Variants in ZNRF3 observed in about 807,000 individuals in gnomAD.
ZNRF3 encodes E3 ubiquitin-protein ligase ZNRF3.
ZNRF3 carries 23 observed loss-of-function variants against 72.5 expected under a neutral mutation model. That is an observed-to-expected ratio of 0.32 (90% CI 0.23 to 0.45). ZNRF3 has a LOEUF of 0.45. ZNRF3 is among the 20% of genes least tolerant of loss of function. ZNRF3 has a pLI of 1.00. For synonymous variants in ZNRF3, 610 were observed against 545.3 expected, an observed-to-expected ratio of 1.12 and a Z score of -1.65; for missense variants, 1,169 against 1,272.1, an observed-to-expected ratio of 0.92 and a Z score of 1.23.
intron 1 of ZNRF3, among the ~76,000 whole-genome samples, chr22:28,914,312 C>T (rs1249408122): frequency 2.6e-5 from 4 of 152,090 alleles, no homozygotes; most frequent in African/African-American, 9.7e-5. Flanking sequence ...CCGGGTTAGT[C>T]TACCTTGGTT....
chr22:28,994,015 C>T (rs1055626331), intron 2 of ZNRF3, among the ~76,000 whole-genome samples: 9 of 151,734 alleles, frequency 5.9e-5, no homozygotes, highest in African/African-American at 1.9e-4. Flanking sequence ...TCACTTAACG[C>T]GTCTGTGTGT....
At chr22:29,012,942 G>T (rs1324565781) in intron 2 of ZNRF3, among the ~76,000 whole-genome samples, 1 of 152,202 alleles carries the variant, frequency 6.6e-6, no homozygotes, top group African/African-American at 2.4e-5. Flanking sequence ...TCCGTCCCAG[G>T]TTAGCTCCAG....
intron 2 of ZNRF3, among the ~76,000 whole-genome samples, chr22:29,038,618 A>T (rs1230176326): frequency 1.3e-5 from 2 of 152,126 alleles, no homozygotes; most frequent in Non-Finnish European, 2.9e-5. Context: ...GGCATGAGCC[A>T]CTGCACCTGG....
chr22:29,050,070 C>A lies in ZNRF3; in HGVS notation c.1889C>A (p.Pro630His). The stretch of plus-strand genomic sequence containing the variant: ...CTGTGCTTCGAGGGCTCCCCGCCTC[C>A]CGAGGAGCTCCCGGCGGTGCACAGT... ...PALCFEGSPPPEELPAVHSHG... is the reference protein window; with the variant it reads ...PALCFEGSPPHEELPAVHSHG... Residue 630 changes from proline (P) to histidine (H), a missense_variant, in exon 8 of 9, where the codon CCC becomes CAC. By Grantham distance (77) the Pro-to-His change is moderately conservative. Coordinates refer to ENST00000544604, the MANE Select transcript of ZNRF3 (RefSeq NM_001206998.2). 6.2e-7 allele frequency: 1 copy of A among 1,607,532 alleles called. No individual in the cohort carries two copies. The highest frequency in any genetic ancestry group is 8.5e-7 in the Non-Finnish European group (1 of 1,177,614).
At chr22:28,939,410 A>G (rs1478885896) in intron 1 of ZNRF3, among the ~76,000 whole-genome samples, 1 of 152,210 alleles carries the variant, frequency 6.6e-6, no homozygotes, top group Non-Finnish European at 1.5e-5. Context: ...TGTGTTTAGT[A>G]TATTTAGCAT....
At chr22:28,985,709 C>G (rs139390624) in intron 1 of ZNRF3, among the ~76,000 whole-genome samples, 1 of 152,152 alleles carries the variant, frequency 6.6e-6, no homozygotes, top group Non-Finnish European at 1.5e-5. Context: ...CTTGGAAAAG[C>G]CACTTATCTT....
chr22:29,014,641 G>A (rs1353409383), intron 2 of ZNRF3, among the ~76,000 whole-genome samples: 1 of 152,206 alleles, frequency 6.6e-6, no homozygotes, highest in African/African-American at 2.4e-5. Context: ...TCATTCATAT[G>A]TTTATTAAGC....
chr22:28,889,047 G>A (rs1178753248), intron 1 of ZNRF3, among the ~76,000 whole-genome samples: 1 of 151,946 alleles, frequency 6.6e-6, no homozygotes, highest in African/African-American at 2.4e-5. Context: ...TCCGGGAGGC[G>A]GAGGTTGCAG....
intron 1 of ZNRF3, among the ~76,000 whole-genome samples, chr22:28,937,347 G>C (rs928113931): frequency 5.0e-4 from 75 of 151,330 alleles, no homozygotes; most frequent in African/African-American, 1.7e-3. Context: ...GCTGCGGCTG[G>C]GGACTGGACA....
chr22:28,950,957 T>C (rs1255877323), intron 1 of ZNRF3, among the ~76,000 whole-genome samples: 1 of 152,248 alleles, frequency 6.6e-6, no homozygotes, highest in Non-Finnish European at 1.5e-5. Context: ...GCCAAAACAG[T>C]CTATGAATGT....
rs1569284112 is a variant in ZNRF3 at position 29,020,761 on chromosome 22, T to TGTG, written c.427-21734_427-21733insGTG. Among the ~76,000 whole-genome samples the TGTG allele has an allele frequency of 3.7e-3, 161 of 42,966 alleles. 2 individuals are homozygous for TGTG. The highest frequency in any genetic ancestry group is 0.013 in the Middle Eastern group (1 of 78). The allele number at this position is 42,966 out of a possible 152,430, so 28.2% of individuals were successfully genotyped here. ...CAGATTTCATTGAGAGGGGCTTTGT[T>TGTG]TTTGTGTGTGTGTGGGTGTGTGTGT... On this transcript the variant is annotated intron_variant, in intron 2 of 8. Coordinates refer to ENST00000544604, the MANE Select transcript of ZNRF3 (RefSeq NM_001206998.2).
At chr22:28,940,269 T>C (rs2034917030) in intron 1 of ZNRF3, among the ~76,000 whole-genome samples, 1 of 152,236 alleles carries the variant, frequency 6.6e-6, no homozygotes, top group Admixed American at 6.5e-5. Context: ...GAAAGGCTAG[T>C]TTCTTAATAA....
intron 1 of ZNRF3, among the ~76,000 whole-genome samples, chr22:28,954,330 G>A (rs1027645384): frequency 6.6e-6 from 1 of 152,102 alleles, no homozygotes; most frequent in African/African-American, 2.4e-5. Flanking sequence ...CTCCTGTGGC[G>A]AAGAAAGTGT....
intron 2 of ZNRF3, among the ~76,000 whole-genome samples, chr22:29,035,524 G>A (rs945545773): frequency 8.5e-5 from 13 of 152,158 alleles, no homozygotes; most frequent in African/African-American, 2.9e-4. Flanking sequence ...GAGTTAAGGG[G>A]GAAGTAGAGT....
At chr22:28,933,744 ACACACT>A (rs1261239506) in intron 1 of ZNRF3, among the ~76,000 whole-genome samples, 5 of 48,692 alleles carry the variant, frequency 1.0e-4, no homozygotes, top group Non-Finnish European at 1.5e-4. Flanking sequence ...ACACACACAC[ACACACT>A]CACTCTCTCT....
Position 28,937,203 on chromosome 22 carries a change from ATATATATATATATTTTT to A in ZNRF3, c.301-49871_301-49855del, listed in dbSNP as rs1396847473. Among the ~76,000 whole-genome samples, 15 of 9,562 alleles carry A rather than the reference ATATATATATATATTTTT, an allele frequency of 1.6e-3. No individual in the cohort carries two copies. In the East Asian group the frequency reaches 0.029, roughly 19 times the overall value. 6.3% of individuals were successfully genotyped at this position (9,562 alleles called of 152,430 possible). ...TATATATATATATATATATATATAT[ATATATATATATATTTTT>A]TTTTTTTTTTTTTTTTTTAACAAAA... On this transcript the variant is annotated intron_variant, in intron 1 of 8. Transcript: ENST00000544604.
chr22:28,934,864 C>T (rs2123781462), intron 1 of ZNRF3, among the ~76,000 whole-genome samples: 1 of 151,970 alleles, frequency 6.6e-6, no homozygotes, highest in South Asian at 2.1e-4. Flanking sequence ...AGGGGAAACC[C>T]TCCCATCCTG....
chr22:28,993,717 C>T (rs2035994772), intron 2 of ZNRF3, among the ~76,000 whole-genome samples: 1 of 152,204 alleles, frequency 6.6e-6, no homozygotes, highest in Non-Finnish European at 1.5e-5. Flanking sequence ...GGGTCTTGCT[C>T]TGTTGCCCAG....
At chr22:28,907,209 T>C (rs142152583) in intron 1 of ZNRF3, among the ~76,000 whole-genome samples, 3,237 of 150,966 alleles carry the variant, frequency 0.021, 80 homozygotes, top group African/African-American at 0.051. Context: ...CCCAGGCTGG[T>C]CTCGAACTCC....
Sources: gnomAD v4.1 joint callset for allele counts (sites outside exome capture counted in the v4.1 genomes callset) on GRCh38, gnomAD v4.1.1 for gene constraint, MANE v1.5 for transcripts, NCBI Gene and HGNC (gene_info 2026-07-23, HGNC 2026-07-21) for gene names.